Variants in RARB observed in about 807,000 individuals in gnomAD.
RARB encodes the protein retinoic acid receptor beta, also known as HBV-activated protein.
A neutral mutation model predicts 51.9 loss-of-function variants in RARB; 17 were observed. The observed-to-expected ratio is 0.33, with a 90% confidence interval of 0.22 to 0.49. The LOEUF is 0.49. RARB is among the 20% of genes least tolerant of loss of function. The pLI is 0.99. For synonymous variants in RARB, 215 were observed against 195.4 expected, an observed-to-expected ratio of 1.10 and a Z score of -0.84; for missense variants, 369 against 550.8, an observed-to-expected ratio of 0.67 and a Z score of 3.30.
Position 24,877,680 on chromosome 3 carries a change from T to C in RARB, c.-380+18928T>C, listed in dbSNP as rs200428189. Among the ~76,000 whole-genome samples the C allele has an allele frequency of 3.9e-5, 6 of 152,204 alleles. No homozygotes were observed. The East Asian group carries it at 1.2e-3, about 30-fold the overall frequency. On this transcript the variant is annotated intron_variant, in intron 2 of 11. Coordinates refer to the RARB transcript ENST00000383772. ...CCAAGTCTGATCTTCCACTGATCTT[T>C]GATAACAATGAGTGGCAGGCTGGCA...
intron 2 of RARB, among the ~76,000 whole-genome samples, chr3:24,995,809 T>C (rs1423583875): frequency 1.3e-5 from 2 of 152,102 alleles, no homozygotes; most frequent in African/African-American, 4.8e-5. Context: ...CTGGGATAAA[T>C]CCTACTTGGT....
intron 2 of RARB, among the ~76,000 whole-genome samples, chr3:25,465,193 G>A (rs1038304013): frequency 2.0e-5 from 3 of 152,130 alleles, no homozygotes; most frequent in Non-Finnish European, 2.9e-5. Context: ...AATCCTTTCG[G>A]AAAGTATCTA....
intron 5 of RARB, among the ~76,000 whole-genome samples, chr3:25,229,287 G>A (rs572657640): frequency 7.3e-5 from 11 of 151,710 alleles, no homozygotes; most frequent in African/African-American, 2.2e-4. Flanking sequence ...TCACTTCTAC[G>A]CATTTTAAGA....
intron 5 of RARB, among the ~76,000 whole-genome samples, chr3:25,403,886 T>TAAAAAAAAAAAAAAAAAAAAAAA (rs546197894): frequency 3.4e-5 from 3 of 88,368 alleles, no homozygotes; most frequent in Admixed American, 1.6e-4. Flanking sequence ...TTTCTTTTTC[T>TAAAAAAAAAAAAAAAAAAAAAAA]AAAAAAAAAA....
At chr3:25,259,602 A>G (rs1033518809) in intron 5 of RARB, among the ~76,000 whole-genome samples, 22 of 152,326 alleles carry the variant, frequency 1.4e-4, no homozygotes, top group African/African-American at 5.3e-4. Context: ...CACATGAGCA[A>G]AAAGTAAACT....
chr3:25,304,475 A>G (rs768968016), intron 5 of RARB, among the ~76,000 whole-genome samples: 8 of 152,078 alleles, frequency 5.3e-5, no homozygotes, highest in Non-Finnish European at 8.8e-5. Context: ...ACTTGTCTCT[A>G]TCTTCACTCT....
chr3:24,889,921 AAAG>A (rs1301755552), intron 2 of RARB, among the ~76,000 whole-genome samples: 1 of 151,896 alleles, frequency 6.6e-6, no homozygotes, highest in Non-Finnish European at 1.5e-5. Context: ...AAAAAAAAAA[AAAG>A]AAAAAGACTC....
intron 3 of RARB, among the ~76,000 whole-genome samples, chr3:25,546,258 T>TTCTC (rs1227374063): frequency 6.6e-6 from 1 of 152,206 alleles, no homozygotes; most frequent in Non-Finnish European, 1.5e-5. Flanking sequence ...ATTCCAGCTT[T>TTCTC]TCTCTCTTAC....
chr3:25,166,233 G>T (rs1238385064), intron 4 of RARB, among the ~76,000 whole-genome samples: 1 of 152,110 alleles, frequency 6.6e-6, no homozygotes, highest in African/African-American at 2.4e-5. Context: ...CAATATTTAT[G>T]ATAAGGATGC....
chr3:25,332,416 G>T (rs542975765), intron 5 of RARB, among the ~76,000 whole-genome samples: 14 of 152,232 alleles, frequency 9.2e-5, no homozygotes, highest in African/African-American at 3.1e-4. Context: ...CAGAACCAAT[G>T]ACAAAAACCA....
At chr3:25,418,311 G>A (rs1448557865) in intron 5 of RARB, among the ~76,000 whole-genome samples, 1 of 152,124 alleles carries the variant, frequency 6.6e-6, no homozygotes, top group Non-Finnish European at 1.5e-5. Flanking sequence ...TCTATCGAAT[G>A]TGTGAATACT....
At chr3:25,453,623 T>TAA (rs1709295246) in intron 1 of RARB, among the ~76,000 whole-genome samples, 1 of 152,112 alleles carries the variant, frequency 6.6e-6, no homozygotes, top group Non-Finnish European at 1.5e-5. Context: ...AAGGCTTTAT[T>TAA]AAAGACTCAA....
At chr3:25,496,081 A>T (rs1289156208) in intron 2 of RARB, among the ~76,000 whole-genome samples, 1 of 152,188 alleles carries the variant, frequency 6.6e-6, no homozygotes, top group Non-Finnish European at 1.5e-5. Flanking sequence ...ACCCTCAAGG[A>T]ATACATTTAA....
At chr3:25,404,188 CT>C (rs1314158210) in intron 5 of RARB, among the ~76,000 whole-genome samples, 9 of 152,242 alleles carry the variant, frequency 5.9e-5, no homozygotes, top group Middle Eastern at 3.4e-3. Context: ...TTTTTCAGTG[CT>C]CTTTGTTACT....
At chr3:25,420,428 G>T (rs1707826983) in intron 5 of RARB, among the ~76,000 whole-genome samples, 1 of 152,090 alleles carries the variant, frequency 6.6e-6, no homozygotes, top group African/African-American at 2.4e-5. Flanking sequence ...CAAATCCTGG[G>T]ATGCTCTTAA....
At chr3:25,314,617 C>T (rs927759987) in intron 5 of RARB, among the ~76,000 whole-genome samples, 1 of 152,252 alleles carries the variant, frequency 6.6e-6, no homozygotes. Context: ...TCAACAAAAA[C>T]CTTTTTTTTC....
chr3:24,867,143 G>A (rs896029447), intron 2 of RARB, among the ~76,000 whole-genome samples: 4 of 152,084 alleles, frequency 2.6e-5, no homozygotes, highest in Non-Finnish European at 4.4e-5. Flanking sequence ...ATTATGGCTG[G>A]CAATTGTTTA....
chr3:25,341,959 G>T (rs534713064), intron 5 of RARB, among the ~76,000 whole-genome samples: 1 of 152,204 alleles, frequency 6.6e-6, no homozygotes, highest in South Asian at 2.1e-4. Context: ...TAAATACATT[G>T]TATCTGTCTC....
chr3:24,868,668 A>G (rs1271724609), intron 2 of RARB, among the ~76,000 whole-genome samples: 1 of 152,194 alleles, frequency 6.6e-6, no homozygotes, highest in Non-Finnish European at 1.5e-5. Context: ...ATAATAAGAA[A>G]CATTTACAAT....
Sources: allele counts gnomAD v4.1 joint callset (sites outside exome capture counted in the v4.1 genomes callset), GRCh38; gene constraint gnomAD v4.1.1; transcripts MANE v1.5; gene names NCBI Gene and HGNC (gene_info 2026-07-23, HGNC 2026-07-21).